The following LRRC37A2 variants were observed in gnomAD, a reference collection of about 807,000 sequenced individuals.
LRRC37A2 encodes the protein leucine rich repeat containing 37 member A2, also known as leucine-rich repeat-containing protein 37A2.
In LRRC37A2, 9 loss-of-function variants were observed where a neutral mutation model predicts 68.8. The ratio of observed to expected loss-of-function variants is 0.13; its 90% CI spans 0.08 to 0.23. The LOEUF is 0.23. LRRC37A2 is among the 10% of genes least tolerant of loss of function. The probability of loss-of-function intolerance (pLI) is 1.00; values close to 1 mark genes in which losing one functional copy is unlikely to be tolerated. For missense variants in LRRC37A2, 168 were observed against 950.4 expected (o/e 0.18, Z 10.82); for synonymous variants, 63 against 367.6 (o/e 0.17, Z 9.48).
chr17:46,782,046 C>A, the LRRC37A2 span, among the ~76,000 whole-genome samples: 1 of 152,214 alleles, frequency 6.6e-6, no homozygotes, highest in Non-Finnish European at 1.5e-5. Context: ...ATGGGTGGAG[C>A]TGCAGAAGGT....
the LRRC37A2 span, chr17:46,721,842 G>A: frequency 4.4e-6 from 7 of 1,587,980 alleles, no homozygotes; most frequent in Non-Finnish European, 6.1e-6. Context: ...TTTTTTGTAC[G>A]GCTTTTTCGA....
At chr17:46,963,532 A>T in the LRRC37A2 span, among the ~76,000 whole-genome samples, 1 of 112,442 alleles carries the variant, frequency 8.9e-6, no homozygotes, top group Non-Finnish European at 1.9e-5. Flanking sequence ...CGACAGAGTG[A>T]GGCTCGGTCT....
chr17:46,884,246 C>T, the LRRC37A2 span, among the ~76,000 whole-genome samples: 16 of 152,316 alleles, frequency 1.1e-4, no homozygotes, highest in African/African-American at 3.1e-4. Context: ...GGTCACCTGA[C>T]GCTGACACAT....
the LRRC37A2 span, among the ~76,000 whole-genome samples, chr17:46,841,081 G>A: frequency 6.6e-6 from 1 of 152,224 alleles, no homozygotes; most frequent in Admixed American, 6.5e-5. Flanking sequence ...CAGGTTGGAA[G>A]GCTTATCCCT....
the LRRC37A2 span, among the ~76,000 whole-genome samples, chr17:46,836,085 G>A: frequency 3.1e-5 from 3 of 96,674 alleles, no homozygotes; most frequent in African/African-American, 1.4e-4. Context: ...AGCAGCTGGA[G>A]AGACGCTGAC....
chr17:46,735,233 A>G, the LRRC37A2 span, among the ~76,000 whole-genome samples: 3 of 152,170 alleles, frequency 2.0e-5, no homozygotes, highest in East Asian at 5.8e-4. Flanking sequence ...TGATAACTCA[A>G]AATTAAATAT....
chr17:46,991,668 G>C, the LRRC37A2 span, among the ~76,000 whole-genome samples: 1 of 152,088 alleles, frequency 6.6e-6, no homozygotes, highest in East Asian at 1.9e-4. Flanking sequence ...TAAAACCACT[G>C]TCACAAGAAA....
At chr17:46,800,797 A>G in the LRRC37A2 span, among the ~76,000 whole-genome samples, 21 of 152,298 alleles carry the variant, frequency 1.4e-4, no homozygotes, top group African/African-American at 4.6e-4. Context: ...GGTGACTTAC[A>G]GTCTAGTCCA....
At chr17:46,983,067 T>G in the LRRC37A2 span, among the ~76,000 whole-genome samples, 1 of 152,178 alleles carries the variant, frequency 6.6e-6, no homozygotes, top group African/African-American at 2.4e-5. Context: ...TCAGTTACCA[T>G]CAAGTCCTGG....
At chr17:46,959,147 T>C in the LRRC37A2 span, among the ~76,000 whole-genome samples, 1 of 152,158 alleles carries the variant, frequency 6.6e-6, no homozygotes, top group Non-Finnish European at 1.5e-5. Flanking sequence ...ACTGATGAGA[T>C]GGTGGGAAGT....
At chr17:46,774,469 C>T in the LRRC37A2 span, among the ~76,000 whole-genome samples, 3 of 152,254 alleles carry the variant, frequency 2.0e-5, no homozygotes, top group Non-Finnish European at 4.4e-5. Context: ...TGGCTTGCAC[C>T]AAGTCCTTTG....
chr17:46,858,179 C>A, the LRRC37A2 span, among the ~76,000 whole-genome samples: 1 of 152,218 alleles, frequency 6.6e-6, no homozygotes, highest in Admixed American at 6.5e-5. Flanking sequence ...ATCCACCCAC[C>A]TCGGCCTCCC....
chr17:46,733,820 A>T, the LRRC37A2 span, among the ~76,000 whole-genome samples: 1 of 152,228 alleles, frequency 6.6e-6, no homozygotes, highest in African/African-American at 2.4e-5. Flanking sequence ...ACTGAAGTAG[A>T]ACTCAGACCT....
At chr17:46,925,389 C>G in the LRRC37A2 span, among the ~76,000 whole-genome samples, 3 of 152,260 alleles carry the variant, frequency 2.0e-5, no homozygotes, top group Non-Finnish European at 4.4e-5. Context: ...GTGCACCATT[C>G]TCAGTGCTGG....
At chr17:47,023,494 G>C in the LRRC37A2 span, among the ~76,000 whole-genome samples, 1 of 151,966 alleles carries the variant, frequency 6.6e-6, no homozygotes, top group Non-Finnish European at 1.5e-5. Flanking sequence ...CAGCCTGGCC[G>C]ATAGGGCGAA....
the LRRC37A2 span, among the ~76,000 whole-genome samples, chr17:46,822,177 T>C: frequency 2.0e-5 from 3 of 152,212 alleles, no homozygotes; most frequent in Admixed American, 6.5e-5. Flanking sequence ...GCCTCTGACC[T>C]GGAGAGGAGG....
chr17:46,945,599 C>T, the LRRC37A2 span, among the ~76,000 whole-genome samples: 410 of 152,268 alleles, frequency 2.7e-3, no homozygotes, highest in Non-Finnish European at 4.4e-3. Flanking sequence ...GAGGAACAGG[C>T]GTGGGCTATG....
At chr17:46,723,423 A>G in the LRRC37A2 span, among the ~76,000 whole-genome samples, 6 of 152,242 alleles carry the variant, frequency 3.9e-5, no homozygotes, top group East Asian at 7.7e-4. Flanking sequence ...AGTAGCAAAG[A>G]ACCGCTGTAG....
At chr17:46,902,580 A>G in the LRRC37A2 span, among the ~76,000 whole-genome samples, 1 of 152,186 alleles carries the variant, frequency 6.6e-6, no homozygotes, top group Non-Finnish European at 1.5e-5. Flanking sequence ...GTTTGTGGCC[A>G]AGCAGTCAGT....
Sources: gnomAD v4.1 joint callset for allele counts (sites outside exome capture counted in the v4.1 genomes callset) on GRCh38, gnomAD v4.1.1 for gene constraint, MANE v1.5 for transcripts, NCBI Gene and HGNC (gene_info 2026-07-23, HGNC 2026-07-21) for gene names.